The following USP47 variants were observed in gnomAD, a reference collection of about 807,000 sequenced individuals.
USP47 encodes ubiquitin specific peptidase 47, also known as ubiquitin carboxyl-terminal hydrolase 47.
Under a neutral mutation model 165.1 loss-of-function variants are expected in USP47, and 35 were observed. That is an observed-to-expected ratio of 0.21 (90% CI 0.16 to 0.28). The LOEUF is 0.28. Among genes scored for constraint, USP47 ranks in the 10% least tolerant of loss-of-function variants. The pLI is 1.00. For synonymous variants in USP47, 531 were observed against 544.5 expected (o/e 0.98, Z 0.35); for missense variants, 1,277 against 1,607.4 (o/e 0.79, Z 3.52).
rs558114544 is a variant in USP47 at position 11,906,190 on chromosome 11, A to G, written c.969+642A>G. On this transcript the variant is annotated intron_variant, in intron 8 of 27. Transcript: ENST00000527733. Reference sequence around the variant, plus strand: ...AATTTTTTAATTGTATTTTATCTATACATATGTGTATTTACTTATACGACA... The same window carrying G: ...AATTTTTTAATTGTATTTTATCTATGCATATGTGTATTTACTTATACGACA... Among the ~76,000 whole-genome samples, 5 of 152,218 alleles carry G rather than the reference A, an allele frequency of 3.3e-5. No individual in the cohort carries two copies. The East Asian group carries it at 5.8e-4, about 18-fold the overall frequency.
At chr11:11,870,392 AAAACTC>A (rs1849961298) in intron 1 of USP47, among the ~76,000 whole-genome samples, 1 of 152,192 alleles carries the variant, frequency 6.6e-6, no homozygotes, top group Admixed American at 6.5e-5. Flanking sequence ...GTCTTTAATA[AAAACTC>A]AAGAGAAGGA....
At chr11:11,952,898 A>G (rs749592059) in intron 25 of USP47, 27 bp downstream of exon 25, 1 of 1,548,998 alleles carries the variant, frequency 6.5e-7, no homozygotes, top group South Asian at 1.2e-5. Context: ...CAAAACATGT[A>G]TCTTATGTTG....
intron 1 of USP47, among the ~76,000 whole-genome samples, chr11:11,849,438 T>G (rs1042200334): frequency 6.6e-6 from 1 of 152,210 alleles, no homozygotes; most frequent in East Asian, 1.9e-4. Context: ...CCAGGTATGC[T>G]GCCAAATATT....
At chr11:11,873,056 A>G (rs1850171589) in intron 1 of USP47, among the ~76,000 whole-genome samples, 1 of 152,170 alleles carries the variant, frequency 6.6e-6, no homozygotes, top group Admixed American at 6.5e-5. Context: ...ATGTGCATAG[A>G]CTGGAGAAGA....
At chr11:11,865,607 A>G (rs1178757866) in intron 1 of USP47, among the ~76,000 whole-genome samples, 1 of 152,098 alleles carries the variant, frequency 6.6e-6, no homozygotes, top group East Asian at 1.9e-4. Context: ...TGGCTGCACC[A>G]TTTTACATTC....
intron 1 of USP47, among the ~76,000 whole-genome samples, chr11:11,865,492 T>C (rs1457958272): frequency 6.6e-6 from 1 of 152,166 alleles, no homozygotes; most frequent in Non-Finnish European, 1.5e-5. Context: ...GCTGAGACTT[T>C]CTGTTTTTTT....
At chr11:11,927,341 A>G (rs758510420) in intron 11 of USP47, among the ~76,000 whole-genome samples, 8 of 151,752 alleles carry the variant, frequency 5.3e-5, no homozygotes, top group Non-Finnish European at 1.2e-4. Flanking sequence ...TATTTATTCT[A>G]TTTGGTGTTG....
chr11:11,930,605 A>G, intron 13 of USP47, 91 bp from the exon 14 acceptor site: 1 of 1,008,870 alleles, frequency 9.9e-7, no homozygotes, highest in South Asian at 1.5e-5. Flanking sequence ...ATTGTTTTTT[A>G]AAAAATCACA....
Position 11,866,891 on chromosome 11 carries a change from T to C in USP47, c.40-13286T>C, listed in dbSNP as rs191347459. 3.6e-3 allele frequency among the ~76,000 whole-genome samples: 545 copies of C among 152,174 alleles called. 4 individuals are homozygous for C. Among genetic ancestry groups the C allele is most frequent in the African/African-American group, 0.012 (500 of 41,530 alleles). ...TCTCTGACTGCATTTTTTTTTTTAATTTTTAATTTTTACTTTTATTTTTTG... is the reference window on the plus strand; with the variant it reads ...TCTCTGACTGCATTTTTTTTTTTAACTTTTAATTTTTACTTTTATTTTTTG... On this transcript the variant is annotated intron_variant, in intron 1 of 27. Transcript: ENST00000527733.
At chr11:11,888,943 A>T (rs1168441661) in intron 3 of USP47, among the ~76,000 whole-genome samples, 1 of 152,214 alleles carries the variant, frequency 6.6e-6, no homozygotes, top group Non-Finnish European at 1.5e-5. Context: ...AGAGCTAAAG[A>T]CAAAAAACAC....
At chr11:11,848,439 T>C (rs906501117) in intron 1 of USP47, among the ~76,000 whole-genome samples, 1 of 152,206 alleles carries the variant, frequency 6.6e-6, no homozygotes, top group African/African-American at 2.4e-5. Context: ...TGTAATCTTA[T>C]GGGACCACTG....
At chr11:11,897,530 C>T (rs1342544187) in intron 4 of USP47, 67 bp from the exon 5 acceptor site, 1 of 1,168,660 alleles carries the variant, frequency 8.6e-7, no homozygotes, top group East Asian at 2.5e-5. Flanking sequence ...GAATTAAATT[C>T]TTATTATGTT....
rs1255167125 is a variant in USP47, at chr11:11,960,948, A to G, written c.*4773A>G. On this transcript the variant is annotated 3_prime_UTR_variant, in exon 28 of 28. Coordinates refer to ENST00000527733, the MANE Select transcript of USP47 (RefSeq NM_001282659.2). ...ATCCTCCCTCCCCACAGGCCCAGAGAACCAGTTGGGCTTTGTTCTCCTGCA... is the reference window on the plus strand; with the variant it reads ...ATCCTCCCTCCCCACAGGCCCAGAGGACCAGTTGGGCTTTGTTCTCCTGCA... 1.3e-5 allele frequency among the ~76,000 whole-genome samples: 2 copies of G among 152,104 alleles called. No homozygotes were observed. The highest frequency in any genetic ancestry group is 2.4e-5 in the African/African-American group (1 of 41,398).
chr11:11,853,908 C>A (rs547479611), intron 1 of USP47, among the ~76,000 whole-genome samples: 1 of 152,056 alleles, frequency 6.6e-6, no homozygotes, highest in African/African-American at 2.4e-5. Context: ...GGGTGGATCA[C>A]GAGGTCAGGA....
intron 3 of USP47, among the ~76,000 whole-genome samples, chr11:11,886,126 GC>G (rs1851147792): frequency 6.6e-6 from 1 of 152,174 alleles, no homozygotes; most frequent in African/African-American, 2.4e-5. Flanking sequence ...AGGTAGATAA[GC>G]CCACAGAGAT....
At chr11:11,895,175 C>A (rs1243104591) in intron 4 of USP47, among the ~76,000 whole-genome samples, 1 of 151,870 alleles carries the variant, frequency 6.6e-6, no homozygotes, top group Non-Finnish European at 1.5e-5. Flanking sequence ...TAAAAATTCC[C>A]AGAAATTATA....
intron 2 of USP47, among the ~76,000 whole-genome samples, chr11:11,881,987 G>A (rs904822707): frequency 6.6e-6 from 1 of 152,124 alleles, no homozygotes; most frequent in East Asian, 1.9e-4. Flanking sequence ...AGACCATTGA[G>A]TTGGATCTCA....
At chr11:11,888,567 A>G (rs749958018) in intron 3 of USP47, among the ~76,000 whole-genome samples, 2 of 152,204 alleles carry the variant, frequency 1.3e-5, no homozygotes, top group Admixed American at 6.5e-5. Flanking sequence ...TATATAGCCT[A>G]CCAATCAAAA....
At position 11,930,063 on chromosome 11, in the gene USP47, A is replaced by G. The variant is rs1854544424; in HGVS notation, c.1538A>G (p.Lys513Arg). ...TTTCAGATAACACAAGAGGACATTAAGAAAACACATGGTGGATCTTCAGGA... is the reference window on the plus strand; with the variant it reads ...TTTCAGATAACACAAGAGGACATTAGGAAAACACATGGTGGATCTTCAGGA... ...HVSRITQEDI[K>R]KTHGGSSGSR... Residue 513 changes from lysine to arginine, a missense_variant, in exon 13 of 28, where the codon AAG becomes AGG. By Grantham distance (26) the Lys-to-Arg change is conservative (BLOSUM62 2). This residue lies in a region of USP47 where 909 missense variants were observed against 1,068.1 expected (regional missense o/e 0.85). Transcript: ENST00000527733. The G allele has an allele frequency of 1.2e-6, 2 of 1,613,344 alleles. No individual in the cohort carries two copies.
Sources: allele counts gnomAD v4.1 joint callset (sites outside exome capture counted in the v4.1 genomes callset), GRCh38; gene constraint gnomAD v4.1.1; regional missense constraint gnomAD v4.1.1; transcripts MANE v1.5; gene names NCBI Gene and HGNC (gene_info 2026-07-23, HGNC 2026-07-21).